Variants in MRGPRF observed in about 807,000 individuals in gnomAD.
MRGPRF encodes mas-related G protein-coupled receptor member F.
In MRGPRF, 2 loss-of-function variants were observed where a neutral mutation model predicts 3.3. That is an observed-to-expected ratio of 0.61 (90% CI 0.25 to 1.92). The LOEUF (loss-of-function observed/expected upper bound fraction) is 1.92. Among genes scored for constraint, MRGPRF ranks in the 40% most tolerant of loss-of-function variants. The pLI is 0.16. For synonymous variants in MRGPRF, 242 were observed against 222.7 expected (o/e 1.09, Z -0.77); for missense variants, 500 against 476.0 (o/e 1.05, Z -0.47).
intron 1 of MRGPRF, 135 bp from the exon 2 acceptor site, chr11:69,010,092 A>G: frequency 1.6e-6 from 1 of 612,354 alleles, no homozygotes; most frequent in Non-Finnish European, 2.9e-6. Flanking sequence ...CCACACCCTC[A>G]GCAGCAGGGG....
Position 69,005,126 on chromosome 11 carries a change from T to C in MRGPRF, c.*152A>G. ...GGCTGCCCAGTCTCCCAGCCACCCC[T>C]GGAGTCCCCAGCCCAGGGAGAAGGA... On this transcript the variant is annotated 3_prime_UTR_variant, in exon 3 of 3. Coordinates refer to ENST00000309099, the MANE Select transcript of MRGPRF (RefSeq NM_145015.5). 1 of 1,030,566 alleles carries C rather than the reference T, an allele frequency of 9.7e-7. No homozygotes were observed. Among genetic ancestry groups the C allele is most frequent in the South Asian group, 1.8e-5 (1 of 55,618 alleles). 63.8% of individuals were successfully genotyped at this position (1,030,566 alleles called of 1,614,324 possible). A position where few individuals can be genotyped will look rare whatever the true frequency, so the allele number is the denominator to read the frequency against.
chr11:69,013,442 A>G (rs577930872), upstream of MRGPRF: 2 of 152,348 alleles, frequency 1.3e-5, no homozygotes, highest in East Asian at 1.9e-4. Context: ...TGGCCCGAGC[A>G]CTGCAGCCCG....
rs979475525 is a variant in MRGPRF, at chr11:69,005,443, G to A, written c.867C>T (p.Ile289=). ...TGTCCCTCCCGGCCAGGAAGTAGAC[G>A]ATGGGCTTGGCGCTGCTGTTGATGC... The part of the protein sequence containing the change: ...CICINSSAKP[I]VYFLAGRDKS... Residue 289 remains isoleucine, a synonymous_variant, in exon 3 of 3, where the codon ATC becomes ATT. Transcript: ENST00000309099. The A allele has an allele frequency of 5.0e-6, 8 of 1,589,572 alleles. No individual in the cohort carries two copies. The Admixed American group carries it at 8.8e-5, about 18-fold the overall frequency.
In MRGPRF at chr11:69,005,329, C is replaced by T. The variant is rs773126683; in HGVS notation, c.981G>A (p.Thr327=). The T allele has an allele frequency of 9.0e-6, 14 of 1,552,866 alleles. No individual in the cohort carries two copies. Among genetic ancestry groups the T allele is most frequent in the Middle Eastern group, 1.7e-4 (1 of 5,912 alleles). ...GAELGEAGGS[T]PNTVTMEMQC... Reference sequence around the variant, plus strand: ...GCATCTCCATGGTGACTGTGTTGGGCGTGCTGCCCCCGGCCTCCCCCAGCT... The same window carrying T: ...GCATCTCCATGGTGACTGTGTTGGGTGTGCTGCCCCCGGCCTCCCCCAGCT... The change falls in exon 3 of 3, where the codon ACG becomes ACA. Residue 327 remains threonine (T), a synonymous_variant. Transcript: ENST00000309099.
At chr11:69,011,673 C>A (rs1005962326) in intron 1 of MRGPRF, among the ~76,000 whole-genome samples, 2 of 152,216 alleles carry the variant, frequency 1.3e-5, no homozygotes, top group African/African-American at 4.8e-5. Context: ...TCCTTCCGGG[C>A]GCCTGGTAAG....
At chr11:69,009,494 G>A in intron 2 of MRGPRF, 1 of 579,748 alleles carries the variant, frequency 1.7e-6, no homozygotes. Context: ...CTTGGAGTCA[G>A]CGTCCCAGGG....
intron 2 of MRGPRF, among the ~76,000 whole-genome samples, chr11:69,007,540 A>G (rs1860514291): frequency 6.6e-6 from 1 of 152,204 alleles, no homozygotes; most frequent in Non-Finnish European, 1.5e-5. Context: ...TCTGGGAAAA[A>G]AAGCCTATCT....
At position 69,006,112 on chromosome 11, in the gene MRGPRF, G is replaced by A. The variant is rs752480054; in HGVS notation, c.198C>T (p.Leu66=). ...TCTTGATGGAGAAGCCGAAAAACCA[G>A]AGGACCAGCCCGTTGCCCACCAGGC... ...LCGLVGNGLV[L]WFFGFSIKRN... Residue 66 remains leucine, a synonymous_variant, in exon 3 of 3, where the codon CTC becomes CTT. Coordinates refer to ENST00000309099, the MANE Select transcript of MRGPRF (RefSeq NM_145015.5). 1 of 1,613,780 alleles carries A rather than the reference G, an allele frequency of 6.2e-7. No homozygotes were observed. The highest frequency in any genetic ancestry group is 1.7e-5 in the Admixed American group (1 of 59,982).
At chr11:69,008,022 G>A (rs1056134648) in intron 2 of MRGPRF, among the ~76,000 whole-genome samples, 1 of 152,212 alleles carries the variant, frequency 6.6e-6, no homozygotes, top group African/African-American at 2.4e-5. Context: ...AGGGAGCACA[G>A]TGGCAAATCT....
rs531442932 is a variant in MRGPRF, at chr11:69,006,368, G to T, written c.49-107C>A. The T allele has an allele frequency of 9.8e-6, 12 of 1,222,186 alleles. No individual in the cohort carries two copies. The African/African-American group carries it at 1.7e-4, about 17-fold the overall frequency. 75.7% of individuals were successfully genotyped at this position (1,222,186 alleles called of 1,614,324 possible). On this transcript the variant is annotated intron_variant, in intron 2 of 2. Transcript: ENST00000309099. ...GGGGGGGGGTCCCAATTAGGGACTT[G>T]GGGCAGGGAGGGGGTCTGTAAGGCA...
At chr11:69,006,594 G>A (rs111367790) in intron 2 of MRGPRF, among the ~76,000 whole-genome samples, 4,336 of 148,284 alleles carry the variant, frequency 0.029, 221 homozygotes, top group African/African-American at 0.1. Context: ...CGTCCAAGTC[G>A]CACAAAAAAC....
rs779223706 is a variant in MRGPRF at position 69,005,478 on chromosome 11, G to C, written c.832C>G (p.Leu278Val). 6.3e-7 allele frequency: 1 copy of C among 1,586,246 alleles called. No individual in the cohort carries two copies. The highest frequency in any genetic ancestry group is 8.6e-7 in the Non-Finnish European group (1 of 1,166,456). ...PAPFPEYVTD[L>V]CICINSSAKP... is the part of the protein sequence containing the mutation. ...GCGCTGCTGTTGATGCAGATGCACA[G>C]GTCAGTGACGTACTCGGGGAAGGGG... The change falls in exon 3 of 3, where the codon CTG (leucine) becomes GTG (valine). Residue 278 changes from leucine (L) to valine (V), a missense_variant. Leu to Val is a conservative substitution (Grantham distance 32). Transcript: ENST00000309099.
At chr11:69,009,809 A>T in intron 2 of MRGPRF, 45 bp downstream of exon 2, 1 of 1,460,562 alleles carries the variant, frequency 6.8e-7, no homozygotes, top group Non-Finnish European at 9.5e-7. Context: ...CCTCCCACCC[A>T]CACCCGTCTG....
chr11:69,011,225 C>T (rs1313290418), intron 1 of MRGPRF, among the ~76,000 whole-genome samples: 2 of 152,194 alleles, frequency 1.3e-5, no homozygotes, highest in Non-Finnish European at 2.9e-5. Context: ...AGGTGGCCGT[C>T]TGCGCGTGTG....
intron 2 of MRGPRF, 22 bp downstream of exon 2, chr11:69,009,832 G>A (rs1471363364): frequency 6.2e-7 from 1 of 1,608,270 alleles, no homozygotes; most frequent in South Asian, 1.1e-5. Context: ...CAAGACCAGG[G>A]CCCTCCGCCT....
rs554177142 is a variant in MRGPRF at position 69,005,156 on chromosome 11, C to T, written c.*122G>A. 99 of 1,282,482 alleles carry T rather than the reference C, an allele frequency of 7.7e-5. No individual in the cohort carries two copies. In the African/African-American group the frequency reaches 1.1e-3, roughly 14 times the overall value. The allele number at this position is 1,282,482 out of a possible 1,614,324, so 79.4% of individuals were successfully genotyped here. ...TCCCCAGCCCAGGGAGAAGGAGGCC[C>T]GAGGAGAGGAAACAGATCTTTCTTC... On this transcript the variant is annotated 3_prime_UTR_variant, in exon 3 of 3. Transcript: ENST00000309099.
chr11:69,009,174 C>T (rs779731419), intron 2 of MRGPRF, among the ~76,000 whole-genome samples: 5 of 152,244 alleles, frequency 3.3e-5, no homozygotes, highest in African/African-American at 7.2e-5. Flanking sequence ...CCACTCTGCT[C>T]CTGACCCAGG....
intron 1 of MRGPRF, among the ~76,000 whole-genome samples, chr11:69,011,615 T>C (rs1308989306): frequency 6.6e-6 from 1 of 152,208 alleles, no homozygotes; most frequent in Non-Finnish European, 1.5e-5. Context: ...CTCTGGGGCC[T>C]GTCTGAGCTT....
At position 69,009,968 on chromosome 11, in the gene MRGPRF, C is replaced by G; in HGVS notation, c.-56-11G>C. On this transcript the variant is annotated splice_polypyrimidine_tract_variant and intron_variant, in intron 1 of 2. Coordinates refer to ENST00000309099, the MANE Select transcript of MRGPRF (RefSeq NM_145015.5). ...AGTCTGCACACCCACCTGGCAGAAG[C>G]CCAGAGAGAGGGTGGATGAGGACAG... is the stretch of plus-strand genomic sequence containing the variant. 1 of 1,538,820 alleles carries G rather than the reference C, an allele frequency of 6.5e-7. No individual in the cohort carries two copies.
Sources: gnomAD v4.1 joint callset for allele counts (sites outside exome capture counted in the v4.1 genomes callset) on GRCh38, gnomAD v4.1.1 for gene constraint, MANE v1.5 for transcripts, NCBI Gene and HGNC (gene_info 2026-07-23, HGNC 2026-07-21) for gene names.